The following CDKAL1 variants were observed in gnomAD, a reference collection of about 807,000 sequenced individuals.
The protein encoded by CDKAL1 is CDKAL1 threonylcarbamoyladenosine tRNA methylthiotransferase, also known as threonylcarbamoyladenosine tRNA methylthiotransferase.
A neutral mutation model predicts 68.2 loss-of-function variants in CDKAL1; 32 were observed. The observed-to-expected ratio is 0.47, with a 90% CI of 0.35 to 0.63. The LOEUF is 0.63. Among genes scored for constraint, CDKAL1 ranks in the 30% least tolerant of loss-of-function variants. The pLI is 0.00. For synonymous variants in CDKAL1, 234 were observed against 244.3 expected (o/e 0.96, Z 0.39); for missense variants, 606 against 696.7 (o/e 0.87, Z 1.47).
intron 4 of CDKAL1, among the ~76,000 whole-genome samples, chr6:20,568,931 TG>T (rs1349736389): frequency 6.6e-6 from 1 of 152,152 alleles, no homozygotes; most frequent in African/African-American, 2.4e-5. Context: ...CAATTATTTA[TG>T]TATTTGTCTC....
At chr6:20,569,426 T>G (rs907893138) in intron 4 of CDKAL1, among the ~76,000 whole-genome samples, 7 of 152,216 alleles carry the variant, frequency 4.6e-5, no homozygotes, top group Middle Eastern at 3.2e-3. Context: ...TGTTGAGTAT[T>G]TCTTCCTGAC....
chr6:20,771,011 C>T (rs980177270), intron 7 of CDKAL1, among the ~76,000 whole-genome samples: 4 of 152,164 alleles, frequency 2.6e-5, no homozygotes, highest in Admixed American at 2.0e-4. Context: ...CATCCTTCCA[C>T]TTATTTGTTC....
intron 12 of CDKAL1, among the ~76,000 whole-genome samples, chr6:21,089,991 C>CTA (rs553480602): frequency 2.7e-3 from 356 of 131,798 alleles, no homozygotes; most frequent in Non-Finnish European, 4.7e-3. Context: ...TTTTTTATTG[C>CTA]TATATAGCAT....
chr6:20,696,137 C>G (rs1221075692), intron 5 of CDKAL1, among the ~76,000 whole-genome samples: 3 of 152,172 alleles, frequency 2.0e-5, no homozygotes, highest in Non-Finnish European at 4.4e-5. Flanking sequence ...AGCTGTTGTC[C>G]CAAAGGCATT....
At chr6:20,543,950 C>G (rs1561912857) in intron 2 of CDKAL1, among the ~76,000 whole-genome samples, 2 of 151,834 alleles carry the variant, frequency 1.3e-5, no homozygotes, top group Non-Finnish European at 2.9e-5. Context: ...GTTGGCCAGG[C>G]TGTTCTTGAA....
intron 5 of CDKAL1, among the ~76,000 whole-genome samples, chr6:20,724,914 G>A (rs575586650): frequency 9.2e-5 from 14 of 152,050 alleles, no homozygotes; most frequent in Non-Finnish European, 2.1e-4. Flanking sequence ...GAACCAGAAT[G>A]TAAATTTCTT....
rs758040850 is a variant in CDKAL1, at chr6:20,661,361, G to A, written c.371+11984G>A. On this transcript the variant is annotated intron_variant, in intron 5 of 15. Coordinates refer to ENST00000274695, the MANE Select transcript of CDKAL1 (RefSeq NM_017774.3). ...GTTGATAATGGTATTTGAGGAGCAA[G>A]TTTTCTAGAAACATAGATGAAGAGT... Among the ~76,000 whole-genome samples the A allele has an allele frequency of 2.8e-4, 43 of 152,212 alleles. 1 individual carries two copies. In the Middle Eastern group the frequency reaches 0.027, roughly 96 times the overall value.
intron 13 of CDKAL1, among the ~76,000 whole-genome samples, chr6:21,177,186 CTT>C (rs1477970674): frequency 1.3e-5 from 2 of 152,072 alleles, no homozygotes; most frequent in Admixed American, 1.3e-4. Flanking sequence ...TTTAAATAGA[CTT>C]GAGTAGAATG....
intron 2 of CDKAL1, among the ~76,000 whole-genome samples, chr6:20,540,648 G>T (rs141489319): frequency 0.011 from 1,662 of 152,032 alleles, 29 homozygotes; most frequent in African/African-American, 0.036. Flanking sequence ...TAGAGACGAG[G>T]TGTCACCATG....
chr6:20,622,768 A>G (rs1561974811), intron 4 of CDKAL1, among the ~76,000 whole-genome samples: 1 of 151,806 alleles, frequency 6.6e-6, no homozygotes, highest in Non-Finnish European at 1.5e-5. Context: ...TCTTTCCCCT[A>G]AAGCCTTTCC....
At chr6:20,719,150 C>T (rs532565707) in intron 5 of CDKAL1, among the ~76,000 whole-genome samples, 1 of 152,090 alleles carries the variant, frequency 6.6e-6, no homozygotes, top group African/African-American at 2.4e-5. Context: ...GTTGTGTTCT[C>T]AGAAAGAGAA....
rs1768640597 is a variant in CDKAL1, at chr6:20,649,392, A to AT, written c.371+21dup. On this transcript the variant is annotated intron_variant, in intron 5 of 15. Coordinates refer to ENST00000274695, the MANE Select transcript of CDKAL1 (RefSeq NM_017774.3). ...AACTCAATTAAGTAAGTAGAAATTG[A>AT]TTTTTTCCTATTTTGTATAATCAAA... 7.1e-7 allele frequency: 1 copy of AT among 1,417,200 alleles called. No individual in the cohort carries two copies. The highest frequency in any genetic ancestry group is 9.8e-7 in the Non-Finnish European group (1 of 1,017,070). 87.8% of individuals were successfully genotyped at this position (1,417,200 alleles called of 1,614,324 possible).
intron 9 of CDKAL1, among the ~76,000 whole-genome samples, chr6:20,857,290 G>T (rs1759386424): frequency 6.6e-6 from 1 of 152,118 alleles, no homozygotes; most frequent in African/African-American, 2.4e-5. Context: ...AACCTGGGTG[G>T]TAAGAGTTTT....
chr6:20,917,216 G>T (rs936431189), intron 9 of CDKAL1, among the ~76,000 whole-genome samples: 1 of 152,062 alleles, frequency 6.6e-6, no homozygotes, highest in Non-Finnish European at 1.5e-5. Context: ...CCTGACCTCA[G>T]GTGATCCGCC....
chr6:21,042,866 A>G (rs1770010531), intron 11 of CDKAL1, among the ~76,000 whole-genome samples: 1 of 152,110 alleles, frequency 6.6e-6, no homozygotes, highest in Non-Finnish European at 1.5e-5. Context: ...TAGGCCCTGC[A>G]TCCTATGGTG....
intron 5 of CDKAL1, among the ~76,000 whole-genome samples, chr6:20,656,056 A>G (rs1769011324): frequency 6.6e-6 from 1 of 152,006 alleles, no homozygotes; most frequent in Non-Finnish European, 1.5e-5. Flanking sequence ...TTCCTGTTTT[A>G]TAGGTGAAGC....
At chr6:20,724,466 C>T (rs1772545582) in intron 5 of CDKAL1, among the ~76,000 whole-genome samples, 2 of 151,968 alleles carry the variant, frequency 1.3e-5, no homozygotes, top group Admixed American at 6.6e-5. Context: ...CCTGTAATCC[C>T]AGCACTTTGG....
intron 9 of CDKAL1, among the ~76,000 whole-genome samples, chr6:20,928,478 G>A (rs116053241): frequency 0.011 from 1,610 of 152,146 alleles, 28 homozygotes; most frequent in African/African-American, 0.036. Context: ...GCTTGTTTTT[G>A]GAAGGGTATC....
intron 15 of CDKAL1, among the ~76,000 whole-genome samples, chr6:21,216,941 G>A (rs1276540582): frequency 6.6e-6 from 1 of 152,108 alleles, no homozygotes; most frequent in African/African-American, 2.4e-5. Context: ...ACCTTACCAG[G>A]TAATGCCCTC....
Sources: allele counts gnomAD v4.1 joint callset (sites outside exome capture counted in the v4.1 genomes callset), GRCh38; gene constraint gnomAD v4.1.1; transcripts MANE v1.5; gene names NCBI Gene and HGNC (gene_info 2026-07-23, HGNC 2026-07-21).